THSD4: variants seen among roughly 807,000 people sequenced by gnomAD.
THSD4 encodes thrombospondin type 1 domain containing 4.
THSD4 carries 69 observed loss-of-function variants against 119.0 expected under a neutral mutation model. The ratio of observed to expected loss-of-function variants is 0.58; its 90% CI spans 0.48 to 0.71. The LOEUF (loss-of-function observed/expected upper bound fraction) is 0.71. THSD4 is among the 30% of genes least tolerant of loss of function. THSD4 has a pLI of 0.00. For missense variants in THSD4, 1,393 were observed against 1,391.1 expected (o/e 1.00, Z -0.02); for synonymous variants, 524 against 540.4 (o/e 0.97, Z 0.42).
intron 12 of THSD4, 75 bp downstream of exon 12, chr15:71,745,310 A>T: frequency 6.4e-7 from 1 of 1,563,864 alleles, no homozygotes; most frequent in Non-Finnish European, 8.7e-7. Flanking sequence ...CCTTAGGAAC[A>T]GATATAAGTC....
At chr15:71,475,048 T>A (rs1191234491) in intron 7 of THSD4, among the ~76,000 whole-genome samples, 1 of 152,220 alleles carries the variant, frequency 6.6e-6, no homozygotes, top group African/African-American at 2.4e-5. Context: ...TCCAGCAGTC[T>A]GTGGTTTACC....
At chr15:71,757,827 C>T in intron 14 of THSD4, 75 bp from the exon 15 acceptor site, 1 of 1,581,944 alleles carries the variant, frequency 6.3e-7, no homozygotes, top group Non-Finnish European at 8.6e-7. Context: ...ATTCCATCCT[C>T]CTTTCCATCA....
chr15:71,249,439 T>C (rs1322021045), intron 5 of THSD4, among the ~76,000 whole-genome samples: 2 of 151,306 alleles, frequency 1.3e-5, no homozygotes, highest in Admixed American at 6.6e-5. Flanking sequence ...CACACACATT[T>C]ATATACACAA....
chr15:71,388,110 A>G (rs2046317616), intron 6 of THSD4, among the ~76,000 whole-genome samples: 1 of 152,264 alleles, frequency 6.6e-6, no homozygotes, highest in South Asian at 2.1e-4. Context: ...AAAACCTGAG[A>G]CTTTAACAAG....
At chr15:71,389,810 G>GTTTTTTTTTTTGTT (rs1555408977) in intron 6 of THSD4, among the ~76,000 whole-genome samples, 1 of 87,998 alleles carries the variant, frequency 1.1e-5, no homozygotes, top group Non-Finnish European at 2.2e-5. Flanking sequence ...TTTCTGGGTT[G>GTTTTTTTTTTTGTT]TTTTTTTTTT....
chr15:71,317,522 C>T (rs1215143597), intron 6 of THSD4, among the ~76,000 whole-genome samples: 1 of 152,156 alleles, frequency 6.6e-6, no homozygotes, highest in Non-Finnish European at 1.5e-5. Context: ...ATCATGAGAA[C>T]AGCAGGGGAA....
chr15:71,414,060 C>A (rs2046725177), intron 7 of THSD4, among the ~76,000 whole-genome samples: 1 of 152,194 alleles, frequency 6.6e-6, no homozygotes, highest in African/African-American at 2.4e-5. Flanking sequence ...ACAAACCTGC[C>A]CTCCGAAGTC....
chr15:71,437,435 A>T (rs1371182780), intron 7 of THSD4, among the ~76,000 whole-genome samples: 1 of 152,236 alleles, frequency 6.6e-6, no homozygotes, highest in South Asian at 2.1e-4. Context: ...TTCCTGCGAT[A>T]TGAGTTAATG....
chr15:71,117,734 A>C lies in THSD4; in HGVS notation c.-80+2036A>C, dbSNP rs540649998. Among the ~76,000 whole-genome samples the C allele has an allele frequency of 5.3e-5, 8 of 152,298 alleles. No homozygotes were observed. The South Asian group carries it at 1.7e-3, about 32-fold the overall frequency. ...ATTTCTGAAATTCTGATTTCACCAC[A>C]TCATTTCTCTCAAGAAATCACAATG... On this transcript the variant is annotated intron_variant, in intron 1 of 17. Coordinates refer to ENST00000261862, the MANE Select transcript of THSD4 (RefSeq NM_024817.3).
chr15:71,169,492 T>C (rs2043331924), intron 3 of THSD4, among the ~76,000 whole-genome samples: 1 of 152,162 alleles, frequency 6.6e-6, no homozygotes, highest in Non-Finnish European at 1.5e-5. Flanking sequence ...AGTAGTTTCC[T>C]TTACAATAAA....
intron 6 of THSD4, among the ~76,000 whole-genome samples, chr15:71,282,432 C>CAAGGAGATGTGTTACTTGTTTGTAAATGT (rs2044664282): frequency 6.6e-6 from 1 of 151,616 alleles, no homozygotes; most frequent in Admixed American, 6.6e-5. Flanking sequence ...AAAAAGAAGA[C>CAAGGAGATGTGTTACTTGTTTGTAAATGT]AAGGAGATGT....
intron 9 of THSD4, chr15:71,730,908 G>T (rs1171561874): frequency 1.9e-5 from 10 of 537,016 alleles, no homozygotes; most frequent in South Asian, 6.7e-5. Context: ...CTTCTGATTT[G>T]CTCGGCCTAA....
chr15:71,741,188 C>A (rs1428447583), intron 11 of THSD4, among the ~76,000 whole-genome samples: 2 of 152,080 alleles, frequency 1.3e-5, no homozygotes, highest in Non-Finnish European at 2.9e-5. Flanking sequence ...TGTGGATTTA[C>A]CTGTTAGAAA....
At chr15:71,743,814 T>C (rs2053281256) in intron 11 of THSD4, among the ~76,000 whole-genome samples, 1 of 152,234 alleles carries the variant, frequency 6.6e-6, no homozygotes, top group African/African-American at 2.4e-5. Context: ...ACTGAAACAC[T>C]TTCATGACTG....
At chr15:71,318,342 G>T (rs1361145304) in intron 6 of THSD4, among the ~76,000 whole-genome samples, 2 of 152,154 alleles carry the variant, frequency 1.3e-5, no homozygotes. Flanking sequence ...GAGAGCCAGG[G>T]AATGGCACTA....
intron 7 of THSD4, among the ~76,000 whole-genome samples, chr15:71,524,720 C>T (rs1272106693): frequency 1.3e-5 from 2 of 150,506 alleles, no homozygotes; most frequent in Admixed American, 6.6e-5. Flanking sequence ...CCTCAGCCTC[C>T]CAGGTAGCTG....
intron 7 of THSD4, among the ~76,000 whole-genome samples, chr15:71,542,809 G>A (rs12439086): frequency 0.086 from 13,049 of 151,658 alleles, 1,258 homozygotes; most frequent in East Asian, 0.45. Flanking sequence ...CCCGGGAGGC[G>A]GAGCTTGCAG....
chr15:71,342,700 G>A (rs1361529103), intron 6 of THSD4: 1 of 152,360 alleles, frequency 6.6e-6, no homozygotes, highest in Non-Finnish European at 1.5e-5. Context: ...TGTTGGAGGG[G>A]ATCCCACCTC....
rs377720989 is a variant in THSD4 at position 71,180,662 on chromosome 15, C to T, written c.99+25730C>T. Among the ~76,000 whole-genome samples, 58 of 152,076 alleles carry T rather than the reference C, an allele frequency of 3.8e-4. No individual in the cohort carries two copies. The South Asian group carries it at 0.011, about 28-fold the overall frequency. On this transcript the variant is annotated intron_variant, in intron 3 of 17. Transcript: ENST00000261862. ...AGCCATTATATTGACAATAAGAAGC[C>T]AGATGTAAAAGTATGTACAGTATCA...
Sources: gnomAD v4.1 joint callset for allele counts (sites outside exome capture counted in the v4.1 genomes callset) on GRCh38, gnomAD v4.1.1 for gene constraint, MANE v1.5 for transcripts, NCBI Gene and HGNC (gene_info 2026-07-23, HGNC 2026-07-21) for gene names.